The following SLC9C1 variants were observed in gnomAD, a reference collection of about 807,000 sequenced individuals.
SLC9C1 encodes sodium/hydrogen exchanger 10.
A neutral mutation model predicts 140.9 loss-of-function variants in SLC9C1; 97 were observed. That is an observed-to-expected ratio of 0.69 (90% CI 0.58 to 0.82). The LOEUF (loss-of-function observed/expected upper bound fraction) is 0.82, where lower values mean the gene tolerates loss of function less well. Ranked by LOEUF, SLC9C1 falls within the 40% of genes least tolerant of loss-of-function variation. The pLI is 0.00. For missense variants in SLC9C1, 1,340 were observed against 1,389.3 expected, an observed-to-expected ratio of 0.96 and a Z score of 0.56; for synonymous variants, 440 against 442.6, an observed-to-expected ratio of 0.99 and a Z score of 0.07.
chr3:112,260,046 T>G (rs1171051060), intron 10 of SLC9C1, among the ~76,000 whole-genome samples: 1 of 152,184 alleles, frequency 6.6e-6, no homozygotes, highest in East Asian at 1.9e-4. Context: ...TTCTTTCATG[T>G]CTTTGCTGAT....
In SLC9C1 at chr3:112,280,783, G is replaced by C; in HGVS notation, c.89C>G (p.Ala30Gly). 6.2e-7 allele frequency: 1 copy of C among 1,608,156 alleles called. No individual in the cohort carries two copies. The highest frequency in any genetic ancestry group is 8.5e-7 in the Non-Finnish European group (1 of 1,178,426). Residue 30 changes from alanine (A) to glycine (G), a missense_variant and splice_region_variant, in exon 3 of 29, where the codon GCA (alanine) becomes GGA (glycine). By Grantham distance (60) the Ala-to-Gly change is moderately conservative. Transcript: ENST00000305815. ...GTCTTCCAAGTGCCGGTTCAAAAAT[G>C]CTGCAAAAAATATGTTGTTACTGAA... Reference protein sequence around the residue: ...LTLSLISSIGAFLNRHLEDFP... With the variant: ...LTLSLISSIGGFLNRHLEDFP...
At chr3:112,209,707 T>A (rs1039091202) in intron 15 of SLC9C1, among the ~76,000 whole-genome samples, 1 of 152,034 alleles carries the variant, frequency 6.6e-6, no homozygotes, top group African/African-American at 2.4e-5. Context: ...AAAGTACTGA[T>A]CTGAAAATGA....
Position 112,204,300 on chromosome 3 carries a change from G to T in SLC9C1, c.2090C>A (p.Thr697Asn), listed in dbSNP as rs200642998. ...AGTCTCATTAAAAATATACTTAATG[G>T]TGTCTATTTCAATAAGTATTACATG... is the stretch of plus-strand genomic sequence containing the variant. ...ILHVILIEID[T>N]IKYIFNETEV... The change falls in exon 17 of 29, where the codon ACC becomes AAC. Residue 697 changes from threonine (T) to asparagine (N), a missense_variant. Physicochemically the swap from Thr to Asn is moderately conservative, Grantham distance 65. Transcript: ENST00000305815. 21 of 1,560,948 alleles carry T rather than the reference G, an allele frequency of 1.3e-5. No homozygotes were observed.
chr3:112,217,335 G>A, intron 15 of SLC9C1, 107 bp downstream of exon 15: 3 of 1,322,098 alleles, frequency 2.3e-6, no homozygotes, highest in Non-Finnish European at 1.0e-6. Context: ...ATGTACCCTA[G>A]CACTTATAGT....
At chr3:112,189,228 G>A (rs1426173082) in intron 20 of SLC9C1, among the ~76,000 whole-genome samples, 1 of 152,146 alleles carries the variant, frequency 6.6e-6, no homozygotes, top group Non-Finnish European at 1.5e-5. Flanking sequence ...AAGCTCTTTA[G>A]TTTAATTAGA....
intron 28 of SLC9C1, among the ~76,000 whole-genome samples, chr3:112,142,134 CTT>C (rs1406248296): frequency 6.6e-6 from 1 of 152,082 alleles, no homozygotes; most frequent in Non-Finnish European, 1.5e-5. Flanking sequence ...ATTCTTATAA[CTT>C]TGTTACAAGT....
At chr3:112,290,486 T>C (rs1004690423) in intron 1 of SLC9C1, among the ~76,000 whole-genome samples, 8 of 152,224 alleles carry the variant, frequency 5.3e-5, no homozygotes, top group African/African-American at 1.9e-4. Flanking sequence ...GTATGGTTGA[T>C]TTTAGAGTAT....
At chr3:112,232,348 C>T (rs2078851264) in intron 12 of SLC9C1, among the ~76,000 whole-genome samples, 1 of 152,154 alleles carries the variant, frequency 6.6e-6, no homozygotes, top group African/African-American at 2.4e-5. Flanking sequence ...TAGGTGAAAA[C>T]TCAATCAATA....
In SLC9C1 at chr3:112,262,937, T is replaced by C. The variant is rs773698856; in HGVS notation, c.1184A>G (p.Lys395Arg). The C allele has an allele frequency of 3.9e-5, 62 of 1,572,752 alleles. No homozygotes were observed. The highest frequency in any genetic ancestry group is 2.6e-6 in the Non-Finnish European group (3 of 1,166,560). ...AYSDLYFGSD[K>R]EKSQILFHGV... Reference sequence around the variant, plus strand: ...AGCTTTCTTTACTTGAGATTTTTCTTTGTCAGATCCAAAATAAAGATCAGA... The same window carrying C: ...AGCTTTCTTTACTTGAGATTTTTCTCTGTCAGATCCAAAATAAAGATCAGA... Residue 395 changes from lysine to arginine, a missense_variant, in exon 10 of 29, where the codon AAA becomes AGA. Transcript: ENST00000305815.
chr3:112,169,839 C>A (rs2077212658), intron 23 of SLC9C1, among the ~76,000 whole-genome samples: 1 of 152,104 alleles, frequency 6.6e-6, no homozygotes, highest in African/African-American at 2.4e-5. Context: ...TTCAACAGTA[C>A]TAATTCTTCT....
chr3:112,150,777 TA>T (rs1473519064), intron 28 of SLC9C1, among the ~76,000 whole-genome samples: 982 of 70,320 alleles, frequency 0.014, 9 homozygotes, highest in Non-Finnish European at 0.021. Context: ...TACATATATA[TA>T]TATAAATACA....
At chr3:112,224,819 G>GAGAA (rs1382472925) in intron 13 of SLC9C1, among the ~76,000 whole-genome samples, 3 of 151,666 alleles carry the variant, frequency 2.0e-5, no homozygotes, top group South Asian at 2.1e-4. Flanking sequence ...GAGAGAAAGA[G>GAGAA]AGAAAGAAAG....
intron 20 of SLC9C1, among the ~76,000 whole-genome samples, chr3:112,184,908 C>T (rs1333500748): frequency 4.6e-5 from 7 of 152,002 alleles, no homozygotes; most frequent in Non-Finnish European, 8.8e-5. Flanking sequence ...AATACACCAC[C>T]GGGATATACT....
intron 10 of SLC9C1, among the ~76,000 whole-genome samples, chr3:112,248,607 T>C (rs1344711406): frequency 1.3e-5 from 2 of 152,188 alleles, no homozygotes; most frequent in Non-Finnish European, 2.9e-5. Context: ...AATTCACTTA[T>C]TAGTTCTACT....
At position 112,141,193 on chromosome 3, in the gene SLC9C1, A is replaced by G; in HGVS notation, c.*79T>C. 1 of 1,405,142 alleles carries G rather than the reference A, an allele frequency of 7.1e-7. No individual in the cohort carries two copies. Among genetic ancestry groups the G allele is most frequent in the South Asian group, 1.6e-5 (1 of 62,506 alleles). The allele number at this position is 1,405,142 out of a possible 1,614,324, so 87.0% of individuals were successfully genotyped here. On this transcript the variant is annotated 3_prime_UTR_variant, in exon 29 of 29. Coordinates refer to ENST00000305815, the MANE Select transcript of SLC9C1 (RefSeq NM_183061.3). ...TCCAACCTGAAGTTACTCCTTCTTG[A>G]TGTAGGGAAGTGTGTTTCTGCAGCA...
At chr3:112,240,132 T>C (rs939497916) in intron 11 of SLC9C1, 126 bp from the exon 12 acceptor site, 2 of 879,938 alleles carry the variant, frequency 2.3e-6, no homozygotes, top group Non-Finnish European at 3.3e-6. Flanking sequence ...ATAAACTGTT[T>C]AATAATGGGA....
At chr3:112,160,272 T>C (rs2075254884) in intron 26 of SLC9C1, among the ~76,000 whole-genome samples, 1 of 151,556 alleles carries the variant, frequency 6.6e-6, no homozygotes, top group Non-Finnish European at 1.5e-5. Flanking sequence ...TTAAGTTTTT[T>C]TTCTTTTATT....
intron 11 of SLC9C1, among the ~76,000 whole-genome samples, chr3:112,241,594 A>G (rs2079140801): frequency 6.6e-6 from 1 of 152,326 alleles, no homozygotes; most frequent in East Asian, 1.9e-4. Flanking sequence ...TTAGAGAAAA[A>G]CAGTTCTAAA....
chr3:112,169,390 T>A, intron 23 of SLC9C1, 62 bp from the exon 24 acceptor site: 1 of 1,505,466 alleles, frequency 6.6e-7, no homozygotes, highest in Admixed American at 2.1e-5. Context: ...AGGAATAAAG[T>A]TTTTTTGTTT....
Sources: allele counts gnomAD v4.1 joint callset (sites outside exome capture counted in the v4.1 genomes callset), GRCh38; gene constraint gnomAD v4.1.1; transcripts MANE v1.5; gene names NCBI Gene and HGNC (gene_info 2026-07-23, HGNC 2026-07-21).